The following LOXL2 variants were observed in gnomAD, a reference collection of about 807,000 sequenced individuals.
LOXL2 encodes the protein lysyl oxidase homolog 2.
Under a neutral mutation model 93.0 loss-of-function variants are expected in LOXL2, and 70 were observed. The ratio of observed to expected loss-of-function variants is 0.75; its 90% CI spans 0.62 to 0.92. LOXL2 has a LOEUF of 0.92. Among genes scored for constraint, LOXL2 ranks in the 40% least tolerant of loss-of-function variants. The pLI, the probability that LOXL2 is intolerant of heterozygous loss-of-function variation, is 0.00. For synonymous variants in LOXL2, 438 were observed against 413.2 expected, an observed-to-expected ratio of 1.06 and a Z score of -0.73; for missense variants, 973 against 1,054.9, an observed-to-expected ratio of 0.92 and a Z score of 1.08.
At chr8:23,337,143 C>A (rs1216046070) in intron 4 of LOXL2, 4 of 152,236 alleles carry the variant, frequency 2.6e-5, no homozygotes, top group Non-Finnish European at 5.9e-5. Flanking sequence ...CATGATCAAC[C>A]AGCCAACACC....
chr8:23,330,094 G>A (rs1048819088), intron 5 of LOXL2, among the ~76,000 whole-genome samples: 1 of 152,206 alleles, frequency 6.6e-6, no homozygotes, highest in African/African-American at 2.4e-5. Context: ...GGGAGGCCAA[G>A]GCGGGTGGAT....
At chr8:23,338,359 C>T (rs905506375) in intron 4 of LOXL2, among the ~76,000 whole-genome samples, 3 of 151,222 alleles carry the variant, frequency 2.0e-5, no homozygotes, top group Non-Finnish European at 2.9e-5. Flanking sequence ...CTCAGGCTTC[C>T]GAGTGGCCAC....
chr8:23,346,156 T>A (rs371355669), intron 3 of LOXL2, among the ~76,000 whole-genome samples: 827 of 50,200 alleles, frequency 0.016, 15 homozygotes, highest in Middle Eastern at 0.079. Context: ...TAAAATAAAA[T>A]AAAAAATAAA....
At chr8:23,388,030 T>G (rs4872121) in intron 1 of LOXL2, among the ~76,000 whole-genome samples, 51,744 of 152,080 alleles carry the variant, frequency 0.34, 9,059 homozygotes, top group East Asian at 0.58. Context: ...AAGATCATGC[T>G]TCTTAAGTTC....
At chr8:23,332,281 CCA>C (rs1247606645) in intron 5 of LOXL2, among the ~76,000 whole-genome samples, 3 of 118,194 alleles carry the variant, frequency 2.5e-5, no homozygotes, top group African/African-American at 9.9e-5. Context: ...TACACACAAC[CCA>C]CACAGACCCC....
At chr8:23,328,062 GT>G (rs1803611150) in intron 6 of LOXL2, among the ~76,000 whole-genome samples, 1 of 151,966 alleles carries the variant, frequency 6.6e-6, no homozygotes, top group Admixed American at 6.6e-5. Context: ...GCGTTTTTTG[GT>G]AAGACAGCAG....
At chr8:23,394,786 G>T (rs1182495848) in intron 1 of LOXL2, among the ~76,000 whole-genome samples, 1 of 146,324 alleles carries the variant, frequency 6.8e-6, no homozygotes, top group Non-Finnish European at 1.5e-5. Context: ...CATTGAAACA[G>T]GTGTTCAAAC....
At chr8:23,374,809 T>G (rs1046252495) in intron 1 of LOXL2, among the ~76,000 whole-genome samples, 1 of 152,224 alleles carries the variant, frequency 6.6e-6, no homozygotes, top group Non-Finnish European at 1.5e-5. Context: ...TTTTATTTTC[T>G]TGTAAATTTG....
At chr8:23,334,634 G>T (rs1803760276) in intron 4 of LOXL2, among the ~76,000 whole-genome samples, 1 of 151,270 alleles carries the variant, frequency 6.6e-6, no homozygotes, top group Admixed American at 6.6e-5. Flanking sequence ...GTGTTCCTTT[G>T]TATGTTTTTT....
chr8:23,384,633 G>A (rs186012976), intron 1 of LOXL2, among the ~76,000 whole-genome samples: 2 of 152,268 alleles, frequency 1.3e-5, no homozygotes, highest in Admixed American at 1.3e-4. Context: ...AGGCTCCAGC[G>A]GCCGGGCGTG....
At position 23,302,185 on chromosome 8, in the gene LOXL2, GCTC is replaced by G. The variant is rs1482658683; in HGVS notation, c.1997-25_1997-23del. 33 of 1,612,286 alleles carry G rather than the reference GCTC, an allele frequency of 2.0e-5. No individual in the cohort carries two copies. The Admixed American group carries it at 5.5e-4, about 27-fold the overall frequency. On this transcript the variant is annotated intron_variant, in intron 11 of 13. Coordinates refer to ENST00000389131, the MANE Select transcript of LOXL2 (RefSeq NM_002318.3). ...ATGTCTGCGGGCAGGGTAGAGGAGA[GCTC>G]ATCACCAGGGAACCATGGCCCCACT...
intron 1 of LOXL2, among the ~76,000 whole-genome samples, chr8:23,387,061 G>A (rs181607722): frequency 3.5e-4 from 53 of 152,264 alleles, no homozygotes; most frequent in African/African-American, 1.2e-3. Flanking sequence ...GTAATTAAAG[G>A]GACAAGGCAA....
intron 1 of LOXL2, among the ~76,000 whole-genome samples, chr8:23,374,134 G>A (rs1026708239): frequency 1.6e-4 from 20 of 126,164 alleles, no homozygotes; most frequent in African/African-American, 6.3e-4. Flanking sequence ...GGTGTGTGAT[G>A]TTCCCCTTCC....
chr8:23,332,047 A>AAAGAAG (rs1296108372), intron 5 of LOXL2: 1 of 141,932 alleles, frequency 7.0e-6, no homozygotes, highest in Non-Finnish European at 1.5e-5. Flanking sequence ...AAAAAAAAAA[A>AAAGAAG]AAGAAGAAGA....
Position 23,322,278 on chromosome 8 carries a change from A to T in LOXL2, c.1154T>A (p.Ile385Asn), listed in dbSNP as rs759640733. The change falls in exon 7 of 14, where the codon ATC (isoleucine) becomes AAC (asparagine). Residue 385 changes from isoleucine to asparagine, a missense_variant. Ile to Asn is a moderately radical substitution (Grantham distance 149). Coordinates refer to ENST00000389131, the MANE Select transcript of LOXL2 (RefSeq NM_002318.3). Reference sequence around the variant, plus strand: ...GATCTCGTTGAGGTGGATGGGTCCGATCCCTGCAAGGGGAGAATAAACATG... The same window carrying T: ...GATCTCGTTGAGGTGGATGGGTCCGTTCCCTGCAAGGGGAGAATAAACATG... Reference protein sequence around the residue: ...AVTGSRLGQGIGPIHLNEIQC... With the variant: ...AVTGSRLGQGNGPIHLNEIQC... The T allele has an allele frequency of 6.2e-7, 1 of 1,613,988 alleles. No individual in the cohort carries two copies. Among genetic ancestry groups the T allele is most frequent in the Admixed American group, 1.7e-5 (1 of 60,000 alleles).
chr8:23,333,350 C>A, intron 5 of LOXL2, 51 bp downstream of exon 5: 1 of 1,542,020 alleles, frequency 6.5e-7, no homozygotes, highest in Non-Finnish European at 9.0e-7. Flanking sequence ...CCTCAACACC[C>A]TCCCATCCCC....
intron 4 of LOXL2, among the ~76,000 whole-genome samples, chr8:23,335,369 C>T (rs188149195): frequency 2.0e-5 from 3 of 152,194 alleles, no homozygotes; most frequent in Admixed American, 2.0e-4. Context: ...CCTGTTGTGA[C>T]AGTTTAAATG....
chr8:23,368,285 T>C lies in LOXL2; in HGVS notation c.67A>G (p.Ser23Gly). ...GGCCAGCTGTCATACTGTGCCAGGCTCAGGGGGGACAGGAGGGCCAGCATA... is the reference window on the plus strand; with the variant it reads ...GGCCAGCTGTCATACTGTGCCAGGCCCAGGGGGGACAGGAGGGCCAGCATA... The part of the protein sequence containing the change: ...LAMLALLSPL[S>G]LAQYDSWPHY... The change falls in exon 2 of 14, where the codon AGC becomes GGC. Residue 23 changes from serine to glycine, a missense_variant. Transcript: ENST00000389131. 6.2e-7 allele frequency: 1 copy of C among 1,613,556 alleles called. No individual in the cohort carries two copies. Among genetic ancestry groups the C allele is most frequent in the Non-Finnish European group, 8.5e-7 (1 of 1,180,020 alleles).
chr8:23,353,228 A>T (rs935914024), intron 3 of LOXL2, among the ~76,000 whole-genome samples: 1 of 151,726 alleles, frequency 6.6e-6, no homozygotes, highest in African/African-American at 2.4e-5. Context: ...CAACTGGTCT[A>T]CCCGCCACAG....
Sources: allele counts gnomAD v4.1 joint callset (sites outside exome capture counted in the v4.1 genomes callset), GRCh38; gene constraint gnomAD v4.1.1; transcripts MANE v1.5; gene names NCBI Gene and HGNC (gene_info 2026-07-23, HGNC 2026-07-21).